RIC1: variants seen among roughly 807,000 people sequenced by gnomAD.
RIC1 encodes RIC1 partner of RAB6A GEF complex.
In RIC1, 88 loss-of-function variants were observed where a neutral mutation model predicts 169.0. That is an observed-to-expected ratio of 0.52 (90% CI 0.44 to 0.62). The LOEUF (loss-of-function observed/expected upper bound fraction) is 0.62, where lower values mean the gene tolerates loss of function less well. Among genes scored for constraint, RIC1 ranks in the 20% least tolerant of loss-of-function variants. RIC1 has a pLI of 0.00. For missense variants in RIC1, 1,877 were observed against 1,725.5 expected (o/e 1.09, Z -1.56); for synonymous variants, 790 against 601.5 (o/e 1.31, Z -4.59).
chr9:5,658,170 A>G (rs1475479035), intron 2 of RIC1, among the ~76,000 whole-genome samples: 5 of 152,130 alleles, frequency 3.3e-5, no homozygotes, highest in Admixed American at 3.3e-4. Flanking sequence ...AAAGAAGACA[A>G]AAAGACTTTG....
At chr9:5,723,378 G>T (rs201644880) in intron 6 of RIC1, among the ~76,000 whole-genome samples, 45 of 152,222 alleles carry the variant, frequency 3.0e-4, no homozygotes, top group African/African-American at 9.4e-4. Context: ...TCTGTTCATA[G>T]CCTTCGCCCA....
intron 7 of RIC1, among the ~76,000 whole-genome samples, chr9:5,737,900 A>C (rs13295010): frequency 0.14 from 21,019 of 151,966 alleles, 3,888 homozygotes; most frequent in African/African-American, 0.42. Context: ...GTGGAAGTGG[A>C]TCATCTTAAA....
At chr9:5,755,508 C>G (rs1190048755) in intron 15 of RIC1, among the ~76,000 whole-genome samples, 2 of 152,206 alleles carry the variant, frequency 1.3e-5, no homozygotes, top group African/African-American at 4.8e-5. Context: ...CACCTATTTT[C>G]AGACCATGGT....
At chr9:5,639,959 C>T (rs1197350028) in intron 1 of RIC1, among the ~76,000 whole-genome samples, 1 of 151,990 alleles carries the variant, frequency 6.6e-6, no homozygotes, top group Admixed American at 6.6e-5. Context: ...CTATGCATAC[C>T]TTTGTATGTG....
At chr9:5,703,564 TA>T (rs1822367618) in intron 3 of RIC1, among the ~76,000 whole-genome samples, 1 of 152,242 alleles carries the variant, frequency 6.6e-6, no homozygotes, top group East Asian at 1.9e-4. Context: ...ATACACTATA[TA>T]AATATAATAC....
intron 9 of RIC1, 129 bp downstream of exon 9, chr9:5,743,142 A>C: frequency 1.3e-6 from 1 of 775,764 alleles, no homozygotes; most frequent in South Asian, 1.9e-5. Flanking sequence ...TGCAAAGTTC[A>C]TAATCTGTTC....
At chr9:5,631,869 A>G (rs1308030725) in intron 1 of RIC1, among the ~76,000 whole-genome samples, 3 of 152,100 alleles carry the variant, frequency 2.0e-5, no homozygotes, top group Admixed American at 1.3e-4. Context: ...AACTTCCTGA[A>G]AGTATGTAAG....
At chr9:5,759,148 G>A (rs1487979089) in intron 17 of RIC1, among the ~76,000 whole-genome samples, 1 of 152,038 alleles carries the variant, frequency 6.6e-6, no homozygotes, top group East Asian at 1.9e-4. Context: ...AATTGATAAG[G>A]GAATATACTG....
Position 5,769,069 on chromosome 9 carries a change from T to C in RIC1, c.3237T>C (p.Leu1079=). ...RLLEDVRLKD[L]GCFAAQLGFE... ...TAGAAGATGTGAGGTTAAAGGACCT[T>C]GGCTGCTTTGCAGCCCAGCTGGGCT... The change falls in exon 22 of 26, where the codon CTT becomes CTC. Residue 1079 remains leucine (L), a synonymous_variant. Coordinates refer to ENST00000414202, the MANE Select transcript of RIC1 (RefSeq NM_020829.4). The C allele has an allele frequency of 6.2e-7, 1 of 1,614,098 alleles. No homozygotes were observed. Among genetic ancestry groups the C allele is most frequent in the Non-Finnish European group, 8.5e-7 (1 of 1,179,968 alleles).
At chr9:5,756,794 C>A (rs888753424) in intron 16 of RIC1, among the ~76,000 whole-genome samples, 1 of 152,168 alleles carries the variant, frequency 6.6e-6, no homozygotes, top group African/African-American at 2.4e-5. Flanking sequence ...TGGCTGTAGT[C>A]TGGGGCAGTA....
At chr9:5,753,145 T>G in intron 12 of RIC1, 55 bp from the exon 13 acceptor site, 1 of 1,482,804 alleles carries the variant, frequency 6.7e-7, no homozygotes, top group Non-Finnish European at 9.4e-7. Context: ...ACTTAATGCT[T>G]TAAGTTTAAA....
intron 1 of RIC1, among the ~76,000 whole-genome samples, chr9:5,649,842 G>C (rs1385321309): frequency 6.6e-6 from 1 of 151,966 alleles, no homozygotes; most frequent in East Asian, 1.9e-4. Flanking sequence ...CAGAGAGGTA[G>C]ACTTTTTCCT....
chr9:5,764,773 T>C (rs1242613113), intron 19 of RIC1, among the ~76,000 whole-genome samples: 1 of 152,262 alleles, frequency 6.6e-6, no homozygotes, highest in Non-Finnish European at 1.5e-5. Flanking sequence ...GGTCACTCCC[T>C]GCAACTTCAC....
chr9:5,671,956 C>G (rs148891315), intron 2 of RIC1, among the ~76,000 whole-genome samples: 58 of 152,274 alleles, frequency 3.8e-4, no homozygotes, highest in African/African-American at 1.3e-3. Context: ...GTGTCTGCTC[C>G]TGGAAGTGGA....
rs3739648 is a variant in RIC1, at chr9:5,774,225, T to C, written c.4251T>C (p.Thr1417=). The change falls in exon 26 of 26, where the codon ACT becomes ACC. Residue 1417 remains threonine, a synonymous_variant. Coordinates refer to ENST00000414202, the MANE Select transcript of RIC1 (RefSeq NM_020829.4). ...AGGAAGAACCTTTTCAGGATGGGAC[T>C]TACGACTGTTCTGTGTCCTAACAGT... ...AEEEEPFQDG[T]YDCSVS 1 of 1,611,068 alleles carries C rather than the reference T, an allele frequency of 6.2e-7. No individual in the cohort carries two copies. Among genetic ancestry groups the C allele is most frequent in the Admixed American group, 1.7e-5 (1 of 59,778 alleles).
At chr9:5,652,917 G>A (rs917956511) in intron 1 of RIC1, among the ~76,000 whole-genome samples, 9 of 152,178 alleles carry the variant, frequency 5.9e-5, no homozygotes, top group Non-Finnish European at 1.0e-4. Context: ...AAGAATAGAT[G>A]TTGAGTTTTG....
chr9:5,740,890 T>C (rs889436785), intron 8 of RIC1, among the ~76,000 whole-genome samples: 5 of 152,154 alleles, frequency 3.3e-5, no homozygotes, highest in Admixed American at 3.3e-4. Context: ...TAACTATTCA[T>C]GTTGACTTAG....
chr9:5,704,615 T>C (rs1017856905), intron 3 of RIC1, among the ~76,000 whole-genome samples: 1 of 152,196 alleles, frequency 6.6e-6, no homozygotes, highest in African/African-American at 2.4e-5. Context: ...ATATTTTTTT[T>C]CTCATTGTCT....
rs115112084 is a variant in RIC1, at chr9:5,743,114, T to G, written c.1046+101T>G. On this transcript the variant is annotated intron_variant, in intron 9 of 25. Transcript: ENST00000414202. ...TCAGAACTTCCCTTTTTGCCTTGAC[T>G]CTTACCTTAAAACAATTTGCAAAGT... is the stretch of plus-strand genomic sequence containing the variant. 1.6e-3 allele frequency: 1,762 copies of G among 1,076,334 alleles called. 30 individuals carry two copies. The African/African-American group carries it at 0.026, about 16-fold the overall frequency. 66.7% of individuals were successfully genotyped at this position (1,076,334 alleles called of 1,614,324 possible).
Sources: gnomAD v4.1 joint callset for allele counts (sites outside exome capture counted in the v4.1 genomes callset) on GRCh38, gnomAD v4.1.1 for gene constraint, MANE v1.5 for transcripts, NCBI Gene and HGNC (gene_info 2026-07-23, HGNC 2026-07-21) for gene names.